Variants in PPM1H observed in about 807,000 individuals in gnomAD.
PPM1H encodes protein phosphatase, Mg2+/Mn2+ dependent 1H.
In PPM1H, 27 loss-of-function variants were observed where a neutral mutation model predicts 54.9. The ratio of observed to expected loss-of-function variants is 0.49; its 90% CI spans 0.36 to 0.68. The LOEUF (loss-of-function observed/expected upper bound fraction) is 0.68, where lower values mean the gene tolerates loss of function less well. Ranked by LOEUF, PPM1H falls within the 30% of genes least tolerant of loss-of-function variation. PPM1H has a pLI of 0.00. For synonymous variants in PPM1H, 305 were observed against 270.8 expected (o/e 1.13, Z -1.24); for missense variants, 596 against 667.8 (o/e 0.89, Z 1.19).
At chr12:62,727,636 A>ATT (rs1215723617) in intron 5 of PPM1H, among the ~76,000 whole-genome samples, 44 of 130,642 alleles carry the variant, frequency 3.4e-4, no homozygotes, top group South Asian at 1.1e-3. Flanking sequence ...TTAAAATGCA[A>ATT]ATATTATTAT....
intron 1 of PPM1H, among the ~76,000 whole-genome samples, chr12:62,845,479 G>A (rs1868928765): frequency 6.6e-6 from 1 of 152,210 alleles, no homozygotes; most frequent in Non-Finnish European, 1.5e-5. Context: ...ACTTCTTGCT[G>A]AGGCAATTCT....
intron 3 of PPM1H, among the ~76,000 whole-genome samples, chr12:62,800,575 G>A (rs961859213): frequency 1.3e-5 from 2 of 151,858 alleles, no homozygotes; most frequent in Non-Finnish European, 2.9e-5. Context: ...CTGACCTTGC[G>A]ATCCACCCAC....
intron 1 of PPM1H, among the ~76,000 whole-genome samples, chr12:62,848,907 T>G: frequency 6.8e-6 from 1 of 146,164 alleles, no homozygotes; most frequent in Admixed American, 6.9e-5. Flanking sequence ...TCACTGGGAG[T>G]GGGACAAGGG....
intron 1 of PPM1H, among the ~76,000 whole-genome samples, chr12:62,854,696 A>T (rs971181130): frequency 1.3e-5 from 2 of 149,762 alleles, no homozygotes; most frequent in African/African-American, 4.9e-5. Flanking sequence ...CACGAGTATC[A>T]CATCAAAGCT....
At chr12:62,663,922 C>T (rs535680655) in intron 9 of PPM1H, among the ~76,000 whole-genome samples, 43 of 150,850 alleles carry the variant, frequency 2.9e-4, no homozygotes, top group Non-Finnish European at 5.4e-4. Flanking sequence ...ACCTGGCAGG[C>T]GGAGGTTGCG....
chr12:62,800,750 A>C (rs1457349652), intron 3 of PPM1H, among the ~76,000 whole-genome samples: 1 of 152,258 alleles, frequency 6.6e-6, no homozygotes, highest in Non-Finnish European at 1.5e-5. Flanking sequence ...AGCAAGAAAT[A>C]AAATCTTTAA....
chr12:62,700,391 C>T (rs1221319313), intron 6 of PPM1H, among the ~76,000 whole-genome samples: 1 of 152,142 alleles, frequency 6.6e-6, no homozygotes, highest in African/African-American at 2.4e-5. Flanking sequence ...ATTCTTCCTA[C>T]CTTATGGCTA....
intron 8 of PPM1H, among the ~76,000 whole-genome samples, chr12:62,677,754 G>T (rs528683000): frequency 6.6e-6 from 1 of 152,206 alleles, no homozygotes; most frequent in African/African-American, 2.4e-5. Flanking sequence ...CTTGGGCAAA[G>T]ATGCCACCAG....
rs545246241 is a variant in PPM1H, at chr12:62,830,360, A to G, written c.411+1754T>C. Among the ~76,000 whole-genome samples the G allele has an allele frequency of 4.6e-5, 7 of 152,208 alleles. No homozygotes were observed. The East Asian group carries it at 7.7e-4, about 17-fold the overall frequency. On this transcript the variant is annotated intron_variant, in intron 2 of 9. Coordinates refer to ENST00000228705, the MANE Select transcript of PPM1H (RefSeq NM_020700.2). ...AAGCTCTGCCTCCTGGGTTCACGCC[A>G]TTCTTCTGCCTCAGCCTCCTGAGTA... is the stretch of plus-strand genomic sequence containing the variant.
At chr12:62,779,767 T>C (rs529890908) in intron 4 of PPM1H, among the ~76,000 whole-genome samples, 1 of 152,340 alleles carries the variant, frequency 6.6e-6, no homozygotes, top group African/African-American at 2.4e-5. Flanking sequence ...TGGCTATCAC[T>C]TCTATCCCAG....
chr12:62,817,483 CA>C (rs1246465210), intron 2 of PPM1H, among the ~76,000 whole-genome samples: 5 of 142,468 alleles, frequency 3.5e-5, no homozygotes, highest in African/African-American at 5.0e-5. Context: ...AACAAACAAA[CA>C]AAAAAAAAAC....
chr12:62,801,576 G>A (rs528414844), intron 3 of PPM1H, among the ~76,000 whole-genome samples: 4 of 152,292 alleles, frequency 2.6e-5, no homozygotes. Context: ...AAAGTGCTGG[G>A]ATTTCAAGCG....
chr12:62,917,128 AG>A (rs1358952930), intron 1 of PPM1H, among the ~76,000 whole-genome samples: 4 of 152,244 alleles, frequency 2.6e-5, no homozygotes, highest in African/African-American at 7.2e-5. Flanking sequence ...TCCTTTACTC[AG>A]GTCAGAGATG....
intron 2 of PPM1H, among the ~76,000 whole-genome samples, chr12:62,817,064 G>A (rs1306549163): frequency 8.4e-6 from 1 of 119,618 alleles, no homozygotes; most frequent in Non-Finnish European, 1.6e-5. Flanking sequence ...TCACTGGCAA[G>A]AGTTCTATGT....
At chr12:62,829,622 G>C (rs940876803) in intron 2 of PPM1H, among the ~76,000 whole-genome samples, 1 of 152,150 alleles carries the variant, frequency 6.6e-6, no homozygotes, top group African/African-American at 2.4e-5. Context: ...AGCAGGACTG[G>C]GGCACCAGGG....
Position 62,832,254 on chromosome 12 carries a change from G to T in PPM1H, c.271C>A (p.His91Asn), listed in dbSNP as rs1405636333. The part of the protein sequence containing the change: ...AEVINAGKST[H>N]NEDQASCEVL... The stretch of plus-strand genomic sequence containing the variant: ...TCACAGCTGGCTTGGTCTTCATTGT[G>T]TGTGCTCTTCCCGGCATTGATAACC... Residue 91 changes from histidine to asparagine, a missense_variant, in exon 2 of 10, where the codon CAC (histidine) becomes AAC (asparagine). Transcript: ENST00000228705. 1 of 1,613,014 alleles carries T rather than the reference G, an allele frequency of 6.2e-7. No homozygotes were observed. The highest frequency in any genetic ancestry group is 1.1e-5 in the South Asian group (1 of 90,842).
chr12:62,835,285 C>T (rs1868469435), intron 1 of PPM1H, among the ~76,000 whole-genome samples: 1 of 152,238 alleles, frequency 6.6e-6, no homozygotes, highest in Admixed American at 6.5e-5. Context: ...GTTGACCTAA[C>T]TTCAGCAAGA....
At chr12:62,775,142 A>G (rs2076602708) in intron 4 of PPM1H, among the ~76,000 whole-genome samples, 1 of 152,234 alleles carries the variant, frequency 6.6e-6, no homozygotes, top group African/African-American at 2.4e-5. Flanking sequence ...GAGGATGGAT[A>G]GATACATTTG....
intron 6 of PPM1H, among the ~76,000 whole-genome samples, chr12:62,702,507 C>T (rs7358547): frequency 0.01 from 1,566 of 150,578 alleles, 24 homozygotes; most frequent in African/African-American, 0.037. Flanking sequence ...TCACTTCCCA[C>T]GATCTCCCTT....
Sources: gnomAD v4.1 joint callset for allele counts (sites outside exome capture counted in the v4.1 genomes callset) on GRCh38, gnomAD v4.1.1 for gene constraint, MANE v1.5 for transcripts, NCBI Gene and HGNC (gene_info 2026-07-23, HGNC 2026-07-21) for gene names.